The following CARMIL1 variants were observed in gnomAD, a reference collection of about 807,000 sequenced individuals.
CARMIL1 encodes F-actin-uncapping protein LRRC16A.
In CARMIL1, 90 loss-of-function variants were observed where a neutral mutation model predicts 177.1. That is an observed-to-expected ratio of 0.51 (90% CI 0.43 to 0.61). The LOEUF (loss-of-function observed/expected upper bound fraction) is 0.61, where lower values mean the gene tolerates loss of function less well. Among genes scored for constraint, CARMIL1 ranks in the 20% least tolerant of loss-of-function variants. The pLI is 0.00. For missense variants in CARMIL1, 1,380 were observed against 1,667.0 expected (o/e 0.83, Z 3.00); for synonymous variants, 577 against 606.2 (o/e 0.95, Z 0.71).
chr6:25,457,826 A>G (rs983983238), intron 8 of CARMIL1, among the ~76,000 whole-genome samples: 1 of 152,204 alleles, frequency 6.6e-6, no homozygotes, highest in Non-Finnish European at 1.5e-5. Flanking sequence ...TATACTAAGA[A>G]TAATCATGAT....
chr6:25,414,470 C>G (rs1260289131), intron 2 of CARMIL1, among the ~76,000 whole-genome samples: 3 of 152,166 alleles, frequency 2.0e-5, no homozygotes, highest in Non-Finnish European at 4.4e-5. Context: ...TCCTGTGCAA[C>G]TGCCCCTGAC....
rs60348282 is a variant in CARMIL1, at chr6:25,486,948, T to TA, written c.962-1524dup. Among the ~76,000 whole-genome samples the TA allele has an allele frequency of 4.7e-3, 697 of 149,680 alleles. 3 individuals carry two copies. The highest frequency in any genetic ancestry group is 9.3e-3 in the African/African-American group (378 of 40,858). ...TAATGGTCTTTGCAATTTTTGAGGG[T>TA]AAAAAAAAAATGATCTTATTTATAT... On this transcript the variant is annotated intron_variant, in intron 12 of 36. Transcript: ENST00000329474.
At chr6:25,608,365 T>G (rs1816186179) in intron 35 of CARMIL1, among the ~76,000 whole-genome samples, 6 of 152,220 alleles carry the variant, frequency 3.9e-5, no homozygotes, top group Admixed American at 3.9e-4. Context: ...ATTTATACAT[T>G]AAGCTTTATT....
intron 29 of CARMIL1, among the ~76,000 whole-genome samples, chr6:25,566,691 C>T (rs1181641511): frequency 6.6e-6 from 1 of 152,168 alleles, no homozygotes; most frequent in Non-Finnish European, 1.5e-5. Flanking sequence ...TAGAGCAGTG[C>T]CTGGCACAAA....
chr6:25,312,267 A>G (rs949733658), intron 2 of CARMIL1, among the ~76,000 whole-genome samples: 7 of 152,168 alleles, frequency 4.6e-5, no homozygotes, highest in African/African-American at 1.2e-4. Context: ...TGGACTTCCT[A>G]TTTGTCATAA....
intron 20 of CARMIL1, among the ~76,000 whole-genome samples, chr6:25,513,771 T>C (rs1032710143): frequency 6.6e-6 from 1 of 152,144 alleles, no homozygotes; most frequent in African/African-American, 2.4e-5. Context: ...CCCCCAAGCA[T>C]TGTGGAACTT....
At chr6:25,473,877 AAG>A (rs1488143735) in intron 11 of CARMIL1, among the ~76,000 whole-genome samples, 1 of 152,232 alleles carries the variant, frequency 6.6e-6, no homozygotes, top group Non-Finnish European at 1.5e-5. Context: ...GTAGTTCACG[AAG>A]AGTCAGAACA....
At chr6:25,289,832 G>A (rs1195668302) in intron 2 of CARMIL1, among the ~76,000 whole-genome samples, 1 of 152,218 alleles carries the variant, frequency 6.6e-6, no homozygotes, top group Non-Finnish European at 1.5e-5. Flanking sequence ...CTAGTTGATG[G>A]ACATCTGAGT....
intron 29 of CARMIL1, among the ~76,000 whole-genome samples, chr6:25,576,645 C>T (rs1479255595): frequency 6.6e-6 from 1 of 152,142 alleles, no homozygotes; most frequent in African/African-American, 2.4e-5. Context: ...AAGCCACCAT[C>T]CCCCAAATGA....
At chr6:25,335,602 A>T (rs1018723132) in intron 2 of CARMIL1, among the ~76,000 whole-genome samples, 2 of 152,256 alleles carry the variant, frequency 1.3e-5, no homozygotes, top group Non-Finnish European at 2.9e-5. Context: ...TACATGTTTT[A>T]CTAATTCTGA....
At chr6:25,516,841 A>G (rs1177995042) in intron 21 of CARMIL1, among the ~76,000 whole-genome samples, 1 of 152,238 alleles carries the variant, frequency 6.6e-6, no homozygotes, top group South Asian at 2.1e-4. Context: ...TAATTAAGCC[A>G]TGTCAGGGAA....
chr6:25,346,028 T>G (rs1787475603), intron 2 of CARMIL1, among the ~76,000 whole-genome samples: 1 of 152,236 alleles, frequency 6.6e-6, no homozygotes, highest in Non-Finnish European at 1.5e-5. Context: ...GCTATCACCC[T>G]GGTCTAAGCT....
intron 31 of CARMIL1, among the ~76,000 whole-genome samples, chr6:25,586,327 C>G (rs543454718): frequency 8.4e-4 from 126 of 150,824 alleles, no homozygotes; most frequent in Non-Finnish European, 1.4e-3. Context: ...GGGTCGCGGC[C>G]GGGCAGAGGC....
At chr6:25,547,449 C>G (rs1809616537) in intron 26 of CARMIL1, among the ~76,000 whole-genome samples, 1 of 151,758 alleles carries the variant, frequency 6.6e-6, no homozygotes, top group Non-Finnish European at 1.5e-5. Flanking sequence ...GTAGATGAAC[C>G]AAAAAAACAG....
intron 2 of CARMIL1, among the ~76,000 whole-genome samples, chr6:25,354,914 C>G (rs1241238527): frequency 6.6e-6 from 1 of 152,180 alleles, no homozygotes; most frequent in Non-Finnish European, 1.5e-5. Context: ...CAGTGTGATG[C>G]TGACCTGAGA....
At chr6:25,392,421 A>G (rs942545280) in intron 2 of CARMIL1, among the ~76,000 whole-genome samples, 1 of 152,234 alleles carries the variant, frequency 6.6e-6, no homozygotes, top group African/African-American at 2.4e-5. Flanking sequence ...CTCAGAGGAA[A>G]ACATTTATTC....
intron 2 of CARMIL1, among the ~76,000 whole-genome samples, chr6:25,358,653 A>G (rs2150384536): frequency 6.6e-6 from 1 of 152,258 alleles, no homozygotes; most frequent in South Asian, 2.1e-4. Context: ...TCTAAGGGGG[A>G]AAAATAATTT....
intron 2 of CARMIL1, among the ~76,000 whole-genome samples, chr6:25,310,125 A>G (rs1314766499): frequency 6.6e-6 from 1 of 151,914 alleles, no homozygotes; most frequent in Non-Finnish European, 1.5e-5. Context: ...CCACCTTCTC[A>G]CTATGTGAGT....
chr6:25,593,090 A>G (rs1444062227), intron 31 of CARMIL1, among the ~76,000 whole-genome samples: 1 of 152,176 alleles, frequency 6.6e-6, no homozygotes, highest in African/African-American at 2.4e-5. Context: ...AACACTCAAG[A>G]AGATAAGATA....
Sources: allele counts gnomAD v4.1 joint callset (sites outside exome capture counted in the v4.1 genomes callset), GRCh38; gene constraint gnomAD v4.1.1; transcripts MANE v1.5; gene names NCBI Gene and HGNC (gene_info 2026-07-23, HGNC 2026-07-21).